Variants in VPS13C observed in about 807,000 individuals in gnomAD.
VPS13C encodes the protein intermembrane lipid transfer protein VPS13C.
In VPS13C, 358 loss-of-function variants were observed where a neutral mutation model predicts 456.8. The observed-to-expected ratio is 0.78, with a 90% CI of 0.72 to 0.86. The LOEUF is 0.86. Ranked by LOEUF, VPS13C falls within the 40% of genes least tolerant of loss-of-function variation. VPS13C has a pLI of 0.00. For synonymous variants in VPS13C, 1,578 were observed against 1,486.7 expected (o/e 1.06, Z -1.41); for missense variants, 4,818 against 4,385.4 (o/e 1.10, Z -2.79).
chr15:61,873,731 CTT>C (rs144232317), intron 77 of VPS13C, among the ~76,000 whole-genome samples: 1,678 of 152,058 alleles, frequency 0.011, 25 homozygotes, highest in African/African-American at 0.039. Context: ...GGAAATATAA[CTT>C]AATACAGCTA....
chr15:62,016,824 C>A (rs1337210282), intron 9 of VPS13C, among the ~76,000 whole-genome samples: 1 of 152,072 alleles, frequency 6.6e-6, no homozygotes, highest in Non-Finnish European at 1.5e-5. Flanking sequence ...ATTTCTAGTT[C>A]TAGATCCCTG....
At chr15:62,033,329 T>C (rs2047880331) in intron 5 of VPS13C, 112 bp downstream of exon 5, 1 of 581,632 alleles carries the variant, frequency 1.7e-6, no homozygotes, top group Admixed American at 4.3e-5. Flanking sequence ...AAAAAAAAAT[T>C]ATGTCTTTAG....
intron 66 of VPS13C, among the ~76,000 whole-genome samples, chr15:61,896,302 C>G (rs1566977513): frequency 6.6e-6 from 1 of 152,220 alleles, no homozygotes; most frequent in Non-Finnish European, 1.5e-5. Context: ...GTGAGCGACA[C>G]AGAAGACGGG....
At chr15:62,003,095 T>C (rs1296410886) in intron 15 of VPS13C, among the ~76,000 whole-genome samples, 2 of 152,182 alleles carry the variant, frequency 1.3e-5, no homozygotes, top group African/African-American at 4.8e-5. Flanking sequence ...ATTGAATCTG[T>C]AAATTACCTT....
rs201526327 is a variant in VPS13C at position 61,893,523 on chromosome 15, G to GA, written c.9106-3124dup. 9.3e-3 allele frequency among the ~76,000 whole-genome samples: 1,379 copies of GA among 148,644 alleles called. 8 individuals carry two copies. The highest frequency in any genetic ancestry group is 0.042 in the Middle Eastern group (12 of 288). The stretch of plus-strand genomic sequence containing the variant: ...ATATGAAAGAAAACAATGTTAAAAT[G>GA]AAAAAAAAATTTGGAGGCATATAAC... On this transcript the variant is annotated intron_variant, in intron 66 of 84. Transcript: ENST00000644861.
chr15:61,962,340 T>G, intron 34 of VPS13C, 31 bp downstream of exon 34: 1 of 1,542,194 alleles, frequency 6.5e-7, no homozygotes, highest in Non-Finnish European at 8.8e-7. Flanking sequence ...ATTTCAAAGT[T>G]GAAAAATCAA....
intron 16 of VPS13C, among the ~76,000 whole-genome samples, chr15:61,997,368 C>T (rs561297545): frequency 6.6e-6 from 1 of 152,138 alleles, no homozygotes; most frequent in Non-Finnish European, 1.5e-5. Flanking sequence ...TCTTCTCTAG[C>T]TATTCTAATT....
chr15:62,014,357 G>T (rs908093318), intron 9 of VPS13C, among the ~76,000 whole-genome samples: 7 of 152,052 alleles, frequency 4.6e-5, no homozygotes, highest in Non-Finnish European at 8.8e-5. Context: ...AGAAAACCAG[G>T]AGAGTATGGA....
chr15:62,036,626 CAA>C (rs2140668043), intron 3 of VPS13C, among the ~76,000 whole-genome samples: 1 of 152,014 alleles, frequency 6.6e-6, no homozygotes, highest in South Asian at 2.1e-4. Flanking sequence ...AATCTCCTAA[CAA>C]AATTTATTTG....
chr15:61,998,070 C>T (rs2046454420), intron 16 of VPS13C, among the ~76,000 whole-genome samples: 1 of 152,198 alleles, frequency 6.6e-6, no homozygotes, highest in South Asian at 2.1e-4. Context: ...TCAACCACCA[C>T]TCTTCCCTCT....
chr15:62,034,188 C>T (rs2047910952), intron 4 of VPS13C, among the ~76,000 whole-genome samples: 1 of 151,480 alleles, frequency 6.6e-6, no homozygotes, highest in Non-Finnish European at 1.5e-5. Context: ...TACAGCCTTT[C>T]AAAACTGTCA....
At chr15:61,937,356 G>A (rs1232278292) in intron 47 of VPS13C, among the ~76,000 whole-genome samples, 2 of 152,200 alleles carry the variant, frequency 1.3e-5, no homozygotes, top group Non-Finnish European at 2.9e-5. Context: ...CTTCATAAAA[G>A]GGTATGTGTG....
chr15:61,895,985 T>C (rs1287776567), intron 66 of VPS13C, among the ~76,000 whole-genome samples: 1 of 152,290 alleles, frequency 6.6e-6, no homozygotes, highest in African/African-American at 2.4e-5. Flanking sequence ...AAAGAAATGA[T>C]AAATATTTGA....
intron 51 of VPS13C, 137 bp from the exon 52 acceptor site, chr15:61,927,457 T>TAACC: frequency 3.2e-6 from 2 of 626,812 alleles, no homozygotes; most frequent in Non-Finnish European, 5.5e-6. Context: ...ATTAATTGGT[T>TAACC]AATTAATACT....
chr15:61,991,687 G>C lies in VPS13C; in HGVS notation c.1469C>G (p.Ser490Ter). The change falls in exon 17 of 85, where the codon TCA (serine) becomes TGA (stop). Residue 490 changes from serine (S) to a stop codon, truncating the protein, a stop_gained. Coordinates refer to ENST00000644861, the MANE Select transcript of VPS13C (RefSeq NM_020821.3). LOFTEE classifies it high-confidence loss of function. ...TTGGAACTTACTTTCAGGAATCAAT[G>C]ATTCTTCGTCCTTTTTCTTAGACTC... ...KKESKKKDEE[S>*]LIPETIDDLM... The C allele has an allele frequency of 1.2e-6, 2 of 1,611,248 alleles. No homozygotes were observed. The highest frequency in any genetic ancestry group is 1.7e-6 in the Non-Finnish European group (2 of 1,178,626).
intron 67 of VPS13C, among the ~76,000 whole-genome samples, chr15:61,887,253 A>C (rs912552561): frequency 7.9e-5 from 12 of 152,208 alleles, no homozygotes; most frequent in Non-Finnish European, 5.9e-5. Context: ...AGCAATAAAC[A>C]ATTGAAATTT....
chr15:62,001,263 G>C (rs1277251347), intron 15 of VPS13C, among the ~76,000 whole-genome samples: 1 of 152,148 alleles, frequency 6.6e-6, no homozygotes, highest in Non-Finnish European at 1.5e-5. Flanking sequence ...TCCATAATCA[G>C]AAGGACACTT....
At position 62,037,240 on chromosome 15, in the gene VPS13C, A is replaced by G. The variant is rs1276419558; in HGVS notation, c.188-2188T>C. ...ATTATATAATATATTATATATAAAT[A>G]TATATAATATATTTATATATATTAT... On this transcript the variant is annotated intron_variant, in intron 3 of 84. Coordinates refer to ENST00000644861, the MANE Select transcript of VPS13C (RefSeq NM_020821.3). 2.1e-4 allele frequency among the ~76,000 whole-genome samples: 16 copies of G among 77,810 alleles called. 2 individuals are homozygous for G. The highest frequency in any genetic ancestry group is 0.014 in the Middle Eastern group (2 of 138). The allele number at this position is 77,810 out of a possible 152,430, so 51.0% of individuals were successfully genotyped here. A position where few individuals can be genotyped will look rare whatever the true frequency, so the allele number is the denominator to read the frequency against.
intron 3 of VPS13C, among the ~76,000 whole-genome samples, chr15:62,036,883 C>G (rs2048017385): frequency 6.6e-6 from 1 of 151,294 alleles, no homozygotes; most frequent in Non-Finnish European, 1.5e-5. Context: ...ATGTCTAGCT[C>G]TTAGAAAACC....
Sources: allele counts gnomAD v4.1 joint callset (sites outside exome capture counted in the v4.1 genomes callset), GRCh38; gene constraint gnomAD v4.1.1; transcripts MANE v1.5; gene names NCBI Gene and HGNC (gene_info 2026-07-23, HGNC 2026-07-21).